The following ENTREP1 variants were observed in gnomAD, a reference collection of about 807,000 sequenced individuals.
ENTREP1 encodes endosomal transmembrane epsin interactor 1.
the ENTREP1 span, among the ~76,000 whole-genome samples, chr9:69,365,434 A>G: frequency 6.6e-6 from 1 of 152,176 alleles, no homozygotes; most frequent in Non-Finnish European, 1.5e-5. Context: ...TGTTACATGG[A>G]TAGCAACAAA....
chr9:69,330,094 A>G, the ENTREP1 span, among the ~76,000 whole-genome samples: 1 of 139,998 alleles, frequency 7.1e-6, no homozygotes, highest in South Asian at 2.5e-4. Flanking sequence ...ACTAGGTTCC[A>G]CTGGGTTTAA....
chr9:69,361,568 C>T, the ENTREP1 span, among the ~76,000 whole-genome samples: 4 of 152,114 alleles, frequency 2.6e-5, no homozygotes, highest in African/African-American at 9.7e-5. Context: ...CAGTTTTGGG[C>T]CATTATGGCA....
At chr9:69,345,720 A>G in the ENTREP1 span, among the ~76,000 whole-genome samples, 3 of 152,138 alleles carry the variant, frequency 2.0e-5, no homozygotes, top group Non-Finnish European at 4.4e-5. Flanking sequence ...CTCGTGCCTC[A>G]GCCTCCTGAG....
At chr9:69,334,427 G>A in the ENTREP1 span, among the ~76,000 whole-genome samples, 1 of 152,174 alleles carries the variant, frequency 6.6e-6, no homozygotes, top group Non-Finnish European at 1.5e-5. Context: ...ATTACTCTCA[G>A]CTAGTGAGAA....
the ENTREP1 span, among the ~76,000 whole-genome samples, chr9:69,353,307 T>C: frequency 6.6e-6 from 1 of 152,236 alleles, no homozygotes; most frequent in Non-Finnish European, 1.5e-5. Flanking sequence ...TTTTCAATGT[T>C]TTGTTATGAG....
chr9:69,364,016 C>T, the ENTREP1 span, among the ~76,000 whole-genome samples: 1 of 152,174 alleles, frequency 6.6e-6, no homozygotes, highest in Non-Finnish European at 1.5e-5. Flanking sequence ...AATGTCCCTT[C>T]CAGCTGCCAT....
chr9:69,377,434 C>T, the ENTREP1 span: 2 of 1,613,982 alleles, frequency 1.2e-6, no homozygotes, highest in Admixed American at 3.3e-5. Context: ...GTGGCCGCTG[C>T]CCTCCGCTAC....
At chr9:69,388,786 A>G in the ENTREP1 span, among the ~76,000 whole-genome samples, 1 of 152,210 alleles carries the variant, frequency 6.6e-6, no homozygotes, top group Non-Finnish European at 1.5e-5. Context: ...CCTGAATTGA[A>G]GGTTTCCTTT....
At chr9:69,363,961 A>G in the ENTREP1 span, among the ~76,000 whole-genome samples, 5 of 152,176 alleles carry the variant, frequency 3.3e-5, no homozygotes, top group Non-Finnish European at 7.3e-5. Context: ...TTCTTTTTGG[A>G]CACGTTTTGG....
the ENTREP1 span, among the ~76,000 whole-genome samples, chr9:69,333,077 A>AT: frequency 6.6e-6 from 1 of 152,162 alleles, no homozygotes; most frequent in Non-Finnish European, 1.5e-5. Context: ...ATCTTTTATG[A>AT]TTTTTTTACA....
At chr9:69,358,876 CT>C in the ENTREP1 span, among the ~76,000 whole-genome samples, 11 of 145,606 alleles carry the variant, frequency 7.6e-5, no homozygotes, top group African/African-American at 1.3e-4. Context: ...TTAATAAAGC[CT>C]TTTTTTTTCT....
the ENTREP1 span, among the ~76,000 whole-genome samples, chr9:69,340,983 T>C: frequency 6.6e-6 from 1 of 152,222 alleles, no homozygotes; most frequent in Non-Finnish European, 1.5e-5. Flanking sequence ...GCCTCAAAGA[T>C]TGTCTGGTCT....
the ENTREP1 span, among the ~76,000 whole-genome samples, chr9:69,358,132 G>C: frequency 3.3e-5 from 5 of 152,088 alleles, no homozygotes; most frequent in African/African-American, 9.7e-5. Context: ...TGAATTCTAA[G>C]GAACAGGTAT....
chr9:69,385,788 A>C, the ENTREP1 span: 1 of 933,040 alleles, frequency 1.1e-6, no homozygotes. Flanking sequence ...TTTTTTTTTT[A>C]AATCAGATGG....
At chr9:69,391,604 AT>A in the ENTREP1 span, 1 of 1,614,030 alleles carries the variant, frequency 6.2e-7, no homozygotes, top group Non-Finnish European at 8.5e-7. Flanking sequence ...CCCAAAGATA[AT>A]GGCCCCATTG....
the ENTREP1 span, chr9:69,391,729 C>T: frequency 8.1e-6 from 13 of 1,613,830 alleles, no homozygotes; most frequent in Middle Eastern, 3.3e-4. Flanking sequence ...GGCCCCGAGC[C>T]GAGAGGAGGC....
chr9:69,343,199 C>G, the ENTREP1 span, among the ~76,000 whole-genome samples: 1 of 152,200 alleles, frequency 6.6e-6, no homozygotes, highest in Admixed American at 6.5e-5. Context: ...TGTTCTGAAG[C>G]TTAAAGTATA....
At chr9:69,368,660 G>A in the ENTREP1 span, among the ~76,000 whole-genome samples, 2 of 152,022 alleles carry the variant, frequency 1.3e-5, no homozygotes, top group South Asian at 2.1e-4. Context: ...TGCTAGCTTT[G>A]TAAATGTGTT....
chr9:69,366,060 G>A, the ENTREP1 span, among the ~76,000 whole-genome samples: 1 of 152,200 alleles, frequency 6.6e-6, no homozygotes, highest in South Asian at 2.1e-4. Context: ...TGGGATTACT[G>A]GATCACATGG....
Sources: allele counts gnomAD v4.1 joint callset (sites outside exome capture counted in the v4.1 genomes callset), GRCh38; gene constraint gnomAD v4.1.1; transcripts MANE v1.5; gene names NCBI Gene and HGNC (gene_info 2026-07-23, HGNC 2026-07-21).